PCNX1: variants seen among roughly 807,000 people sequenced by gnomAD.
The protein encoded by PCNX1 is pecanex 1.
In PCNX1, 78 loss-of-function variants were observed where a neutral mutation model predicts 242.2. That is an observed-to-expected ratio of 0.32 (90% CI 0.27 to 0.39). The LOEUF (loss-of-function observed/expected upper bound fraction) is 0.39, where lower values mean the gene tolerates loss of function less well. Among genes scored for constraint, PCNX1 ranks in the 10% least tolerant of loss-of-function variants. The pLI is 1.00. For synonymous variants in PCNX1, 1,024 were observed against 1,032.9 expected (o/e 0.99, Z 0.17); for missense variants, 2,581 against 2,856.5 (o/e 0.90, Z 2.20).
Position 71,006,794 on chromosome 14 carries a change from A to G in PCNX1, c.2630-2840A>G, listed in dbSNP as rs56176664. On this transcript the variant is annotated intron_variant, in intron 8 of 35. Transcript: ENST00000304743. ...TCAGTAGGATACATTAGCACATTAA[A>G]TTACATTTAGTAATTTCTTTTTCTG... is the stretch of plus-strand genomic sequence containing the variant. Among the ~76,000 whole-genome samples, 1,309 of 152,328 alleles carry G rather than the reference A, an allele frequency of 8.6e-3. 25 individuals are homozygous for G. The highest frequency in any genetic ancestry group is 0.03 in the African/African-American group (1,234 of 41,560).
At chr14:70,912,395 A>G (rs1037331746) in intron 1 of PCNX1, among the ~76,000 whole-genome samples, 1 of 152,042 alleles carries the variant, frequency 6.6e-6, no homozygotes, top group African/African-American at 2.4e-5. Context: ...TTTGTATTTT[A>G]TAAACATTCT....
At chr14:71,035,821 A>G (rs561388337) in intron 18 of PCNX1, among the ~76,000 whole-genome samples, 99 of 152,336 alleles carry the variant, frequency 6.5e-4, no homozygotes, top group Non-Finnish European at 1.3e-3. Flanking sequence ...AGGCAGGAGA[A>G]TCGCTTGAAC....
At chr14:71,081,087 G>A (rs1295954610) in intron 28 of PCNX1, among the ~76,000 whole-genome samples, 1 of 152,146 alleles carries the variant, frequency 6.6e-6, no homozygotes, top group Non-Finnish European at 1.5e-5. Flanking sequence ...AAGGGCTGTT[G>A]AATTTTATTG....
intron 13 of PCNX1, among the ~76,000 whole-genome samples, chr14:71,023,630 A>G (rs946332391): frequency 1.3e-5 from 2 of 152,150 alleles, no homozygotes; most frequent in African/African-American, 4.8e-5. Context: ...AGTAACCATT[A>G]GGAGCAAGAA....
At chr14:71,046,290 CCAA>C (rs1223431718) in intron 20 of PCNX1, among the ~76,000 whole-genome samples, 6 of 151,992 alleles carry the variant, frequency 3.9e-5, no homozygotes, top group Admixed American at 6.6e-5. Context: ...GTTTTAAAGA[CCAA>C]CACTTTTCAT....
In PCNX1 at chr14:71,110,099, C is replaced by G. The variant is rs1308291723; in HGVS notation, c.*164C>G. The stretch of plus-strand genomic sequence containing the variant: ...AAGCACCTCTCCTTTGCCCTTCACC[C>G]TGACTCCTGTCACTGTCTCCATCCC... On this transcript the variant is annotated 3_prime_UTR_variant, in exon 36 of 36. Transcript: ENST00000304743. 1.4e-6 allele frequency: 1 copy of G among 710,036 alleles called. No individual in the cohort carries two copies. The highest frequency in any genetic ancestry group is 1.5e-5 in the South Asian group (1 of 67,416). The allele number at this position is 710,036 out of a possible 1,614,324, so 44.0% of individuals were successfully genotyped here. A position where few individuals can be genotyped will look rare whatever the true frequency, so the allele number is the denominator to read the frequency against.
chr14:71,071,877 C>G (rs1029089201), intron 26 of PCNX1, among the ~76,000 whole-genome samples: 4 of 152,060 alleles, frequency 2.6e-5, no homozygotes, highest in African/African-American at 9.7e-5. Flanking sequence ...ATAAATTGCC[C>G]AAATTTCAAT....
intron 33 of PCNX1, among the ~76,000 whole-genome samples, chr14:71,107,985 A>G (rs2062669961): frequency 6.6e-6 from 1 of 152,182 alleles, no homozygotes; most frequent in African/African-American, 2.4e-5. Flanking sequence ...CTACTCAACA[A>G]TTTTTAAGCA....
At position 70,979,628 on chromosome 14, in the gene PCNX1, A is replaced by G. The variant is rs892956952; in HGVS notation, c.2311+980A>G. Among the ~76,000 whole-genome samples the G allele has an allele frequency of 2.6e-5, 4 of 152,224 alleles. No individual in the cohort carries two copies. The East Asian group carries it at 7.7e-4, about 29-fold the overall frequency. ...AAGTTATAGTCTGTTTGATACAGTA[A>G]TGTTCAGTCATTTATTAAAAGTTAA... On this transcript the variant is annotated intron_variant, in intron 6 of 35. Coordinates refer to ENST00000304743, the MANE Select transcript of PCNX1 (RefSeq NM_014982.3).
Position 71,109,906 on chromosome 14 carries a change from G to C in PCNX1, c.6997G>C (p.Gly2333Arg). 1 of 1,613,186 alleles carries C rather than the reference G, an allele frequency of 6.2e-7. No homozygotes were observed. Among genetic ancestry groups the C allele is most frequent in the Non-Finnish European group, 8.5e-7 (1 of 1,179,204 alleles). Residue 2333 changes from glycine (G) to arginine (R), a missense_variant, in exon 36 of 36, where the codon GGG (glycine) becomes CGG (arginine). This residue lies in a region of PCNX1 where 432 missense variants were observed against 433.6 expected (regional missense o/e 1.00). Coordinates refer to ENST00000304743, the MANE Select transcript of PCNX1 (RefSeq NM_014982.3). ...DDKYVTVIET[G>R]VLELGAEV ...TAAATATGTGACTGTAATTGAAACT[G>C]GGGTACTAGAACTTGGGGCTGAAGT...
At chr14:70,973,849 T>C (rs559651355) in intron 5 of PCNX1, among the ~76,000 whole-genome samples, 1 of 152,236 alleles carries the variant, frequency 6.6e-6, no homozygotes, top group Admixed American at 6.5e-5. Context: ...ATATCATTTT[T>C]TCATATTTTT....
chr14:71,043,238 G>A (rs2060762500), intron 19 of PCNX1, among the ~76,000 whole-genome samples: 1 of 151,876 alleles, frequency 6.6e-6, no homozygotes, highest in African/African-American at 2.4e-5. Flanking sequence ...TTCTCTTTTT[G>A]TCTTTGACTT....
Position 71,013,662 on chromosome 14 carries a change from A to G in PCNX1, c.2996+460A>G, listed in dbSNP as rs111412870. ...AGGATTGGATTTATCATCTCATGTG[A>G]AACAACCAAAAATAGACAAAGTACG... On this transcript the variant is annotated intron_variant, in intron 11 of 35. Coordinates refer to ENST00000304743, the MANE Select transcript of PCNX1 (RefSeq NM_014982.3). 8.0e-3 allele frequency among the ~76,000 whole-genome samples: 1,222 copies of G among 152,262 alleles called. 15 individuals carry two copies. The highest frequency in any genetic ancestry group is 0.028 in the African/African-American group (1,149 of 41,568).
At chr14:71,060,068 C>G (rs996327471) in intron 26 of PCNX1, among the ~76,000 whole-genome samples, 1 of 152,194 alleles carries the variant, frequency 6.6e-6, no homozygotes, top group Non-Finnish European at 1.5e-5. Flanking sequence ...TCTCACTTTA[C>G]CATGTTTTTA....
Position 71,105,944 on chromosome 14 carries a change from A to G in PCNX1, c.6301+504A>G, listed in dbSNP as rs147702092. Among the ~76,000 whole-genome samples, 344 of 149,084 alleles carry G rather than the reference A, an allele frequency of 2.3e-3. 1 individual carries two copies. The highest frequency in any genetic ancestry group is 8.1e-3 in the African/African-American group (332 of 41,008). On this transcript the variant is annotated intron_variant, in intron 33 of 35. Transcript: ENST00000304743. ...TTATATATTTGTATATATACTTTTA[A>G]AACTTGATAATTCAACATAAACATT... is the stretch of plus-strand genomic sequence containing the variant.
chr14:71,077,172 A>G (rs2061738667), intron 28 of PCNX1, among the ~76,000 whole-genome samples: 1 of 152,190 alleles, frequency 6.6e-6, no homozygotes, highest in Non-Finnish European at 1.5e-5. Context: ...TCCTAAAAGT[A>G]AGATGAGTTA....
At chr14:71,062,105 T>C (rs2061339467) in intron 26 of PCNX1, among the ~76,000 whole-genome samples, 2 of 152,128 alleles carry the variant, frequency 1.3e-5, no homozygotes, top group Admixed American at 1.3e-4. Flanking sequence ...CAAGCAAATC[T>C]ATGATGAATG....
chr14:71,047,672 T>C (rs1412166641), intron 21 of PCNX1, 135 bp from the exon 22 acceptor site: 5 of 631,790 alleles, frequency 7.9e-6, no homozygotes, highest in Non-Finnish European at 1.4e-5. Context: ...CCTAGCTCTA[T>C]ACATCATTTT....
chr14:70,944,187 G>A (rs953168712), intron 1 of PCNX1, among the ~76,000 whole-genome samples: 2 of 152,114 alleles, frequency 1.3e-5, no homozygotes, highest in Admixed American at 1.3e-4. Context: ...AGATCCAACA[G>A]CTTGCACCAT....
Sources: allele counts gnomAD v4.1 joint callset (sites outside exome capture counted in the v4.1 genomes callset), GRCh38; gene constraint gnomAD v4.1.1; regional missense constraint gnomAD v4.1.1; transcripts MANE v1.5; gene names NCBI Gene and HGNC (gene_info 2026-07-23, HGNC 2026-07-21).